Variants in RPH3A observed in about 807,000 individuals in gnomAD.
RPH3A encodes rabphilin-3A.
In RPH3A, 48 loss-of-function variants were observed where a neutral mutation model predicts 102.2. The observed-to-expected ratio is 0.47, with a 90% confidence interval of 0.37 to 0.60. The LOEUF (loss-of-function observed/expected upper bound fraction) is 0.60. Ranked by LOEUF, RPH3A falls within the 20% of genes least tolerant of loss-of-function variation. RPH3A has a pLI of 0.00. For missense variants in RPH3A, 781 were observed against 910.1 expected, an observed-to-expected ratio of 0.86 and a Z score of 1.83; for synonymous variants, 310 against 324.3, an observed-to-expected ratio of 0.96 and a Z score of 0.47.
chr12:112,637,622 GA>G (rs1235375875), intron 1 of RPH3A, among the ~76,000 whole-genome samples: 1 of 152,184 alleles, frequency 6.6e-6, no homozygotes, highest in Admixed American at 6.5e-5. Flanking sequence ...AAAATGCAAT[GA>G]AGGAGTGAAT....
chr12:112,704,899 T>TA (rs2040418221), intron 1 of RPH3A, among the ~76,000 whole-genome samples: 2 of 152,210 alleles, frequency 1.3e-5, no homozygotes, highest in South Asian at 4.1e-4. Flanking sequence ...TTATATCTTT[T>TA]AAATGGGTCG....
chr12:112,591,083 G>A (rs2135963384), intron 1 of RPH3A, among the ~76,000 whole-genome samples: 1 of 152,140 alleles, frequency 6.6e-6, no homozygotes, highest in African/African-American at 2.4e-5. Flanking sequence ...CTCCTAAGTA[G>A]CTGGTACCAC....
chr12:112,840,949 C>T (rs1011056135), intron 4 of RPH3A, among the ~76,000 whole-genome samples: 2 of 151,918 alleles, frequency 1.3e-5, no homozygotes, highest in African/African-American at 2.4e-5. Context: ...TTCCCATTCA[C>T]ATCACACACA....
chr12:112,713,553 C>T (rs2040494959), intron 1 of RPH3A, among the ~76,000 whole-genome samples: 1 of 136,360 alleles, frequency 7.3e-6, no homozygotes, highest in African/African-American at 2.7e-5. Context: ...AGAGATTACA[C>T]AAGATTTGCA....
intron 1 of RPH3A, among the ~76,000 whole-genome samples, chr12:112,705,362 G>A (rs1215808266): frequency 6.6e-6 from 1 of 152,168 alleles, no homozygotes; most frequent in African/African-American, 2.4e-5. Context: ...AAGAGGAGAA[G>A]ATATTGGGAA....
chr12:112,783,985 T>C (rs2041026804), intron 1 of RPH3A, among the ~76,000 whole-genome samples: 1 of 152,224 alleles, frequency 6.6e-6, no homozygotes, highest in Non-Finnish European at 1.5e-5. Flanking sequence ...AGGATCTTCT[T>C]GGAGGAGTGC....
Position 112,585,740 on chromosome 12 carries a change from GA to G in RPH3A, c.-140+10431del, listed in dbSNP as rs369454683. ...CAATAGAGTGAAACTCTGTCTCAAA[GA>G]AAAAAAAAAGTTGGTTAAAATGGCC... On this transcript the variant is annotated intron_variant, in intron 1 of 21. Transcript: ENST00000543106. Among the ~76,000 whole-genome samples the G allele has an allele frequency of 8.6e-3, 1,283 of 148,932 alleles. 19 individuals are homozygous for G. The highest frequency in any genetic ancestry group is 0.029 in the African/African-American group (1,172 of 40,670).
At chr12:112,659,046 A>G (rs2040032579) in intron 1 of RPH3A, among the ~76,000 whole-genome samples, 1 of 152,242 alleles carries the variant, frequency 6.6e-6, no homozygotes, top group South Asian at 2.1e-4. Context: ...ACAAATTTAC[A>G]GAAAAGTTGT....
chr12:112,751,033 C>T (rs548458852), intron 1 of RPH3A, among the ~76,000 whole-genome samples: 2 of 152,160 alleles, frequency 1.3e-5, no homozygotes, highest in Admixed American at 6.5e-5. Flanking sequence ...AAAACCTGAA[C>T]GTTGGTCTCA....
chr12:112,701,254 C>A (rs1288646308), intron 1 of RPH3A, among the ~76,000 whole-genome samples: 2 of 152,046 alleles, frequency 1.3e-5, no homozygotes, highest in Admixed American at 1.3e-4. Flanking sequence ...AAAAAGAGGT[C>A]ACCTTACTCT....
intron 1 of RPH3A, among the ~76,000 whole-genome samples, chr12:112,705,656 A>C (rs2040422872): frequency 6.6e-6 from 1 of 152,186 alleles, no homozygotes; most frequent in Admixed American, 6.5e-5. Context: ...GAAATTTTTA[A>C]ATTTTAAATG....
intron 1 of RPH3A, among the ~76,000 whole-genome samples, chr12:112,780,096 C>T (rs2040997045): frequency 6.6e-6 from 1 of 152,156 alleles, no homozygotes; most frequent in African/African-American, 2.4e-5. Context: ...AATTTTCCTT[C>T]AGTATCTCTT....
rs12309946 is a variant in RPH3A at position 112,898,450 on chromosome 12, C to T, written c.*1670C>T. ...CAAATCACATCTCTTAACTTTTCAA[C>T]GCCCTCCACCCTCAGCTCCCTGCAC... is the stretch of plus-strand genomic sequence containing the variant. On this transcript the variant is annotated 3_prime_UTR_variant, in exon 22 of 22. Transcript: ENST00000389385. The T allele has an allele frequency of 0.04, 6,056 of 152,316 alleles. 141 individuals are homozygous for T. Among genetic ancestry groups the T allele is most frequent in the Middle Eastern group, 0.11 (31 of 294 alleles). The allele number at this position is 152,316 out of a possible 1,614,324, so 9.4% of individuals were successfully genotyped here.
chr12:112,733,408 T>G (rs953415156), intron 1 of RPH3A, among the ~76,000 whole-genome samples: 3 of 152,014 alleles, frequency 2.0e-5, no homozygotes, highest in African/African-American at 7.3e-5. Flanking sequence ...TAGTTAGGGG[T>G]GCAAGAGGCT....
chr12:112,805,016 C>T (rs2041429900), intron 2 of RPH3A, among the ~76,000 whole-genome samples: 1 of 152,030 alleles, frequency 6.6e-6, no homozygotes, highest in Admixed American at 6.5e-5. Context: ...ATGTTGCCGA[C>T]CGAGTTTTCC....
intron 1 of RPH3A, among the ~76,000 whole-genome samples, chr12:112,755,296 T>TACACACAC (rs1323813333): frequency 8.4e-5 from 8 of 95,150 alleles, no homozygotes; most frequent in African/African-American, 3.7e-4. Context: ...TATATATGTA[T>TACACACAC]ATACACACAC....
chr12:112,862,295 C>T (rs1334884993), intron 5 of RPH3A, among the ~76,000 whole-genome samples: 1 of 152,112 alleles, frequency 6.6e-6, no homozygotes, highest in Non-Finnish European at 1.5e-5. Context: ...GTCCCAGCTA[C>T]TTGGGAGGCT....
intron 1 of RPH3A, among the ~76,000 whole-genome samples, chr12:112,698,257 CAA>C (rs1400300145): frequency 1.3e-5 from 2 of 152,106 alleles, no homozygotes; most frequent in African/African-American, 2.4e-5. Flanking sequence ...AACATTAGCT[CAA>C]AATGGATCAG....
rs117949785 is a variant in RPH3A at position 112,716,052 on chromosome 12, C to T, written c.-139-76091C>T. ...TGGCACTGGTGGGAGTGTTTCTTAG[C>T]ATGCTAATACATTATAATTAGTGTA... On this transcript the variant is annotated intron_variant, in intron 1 of 21. Transcript: ENST00000543106. 0.02 allele frequency among the ~76,000 whole-genome samples: 3,052 copies of T among 152,272 alleles called. 487 individuals carry two copies. In the East Asian group the frequency reaches 0.43, roughly 21 times the overall value.
Sources: allele counts gnomAD v4.1 joint callset (sites outside exome capture counted in the v4.1 genomes callset), GRCh38; gene constraint gnomAD v4.1.1; transcripts MANE v1.5; gene names NCBI Gene and HGNC (gene_info 2026-07-23, HGNC 2026-07-21).